Variants in L3MBTL4 observed in about 807,000 individuals in gnomAD.
L3MBTL4 encodes L3MBTL histone methyl-lysine binding protein 4, also known as lethal(3)malignant brain tumor-like protein 4.
A neutral mutation model predicts 84.5 loss-of-function variants in L3MBTL4; 70 were observed. That is an observed-to-expected ratio of 0.83 (90% confidence interval 0.68 to 1.01). The LOEUF is 1.01. Ranked by LOEUF, L3MBTL4 falls within the 50% of genes least tolerant of loss-of-function variation. The pLI is 0.00. For synonymous variants in L3MBTL4, 274 were observed against 259.8 expected (o/e 1.05, Z -0.52); for missense variants, 715 against 754.8 (o/e 0.95, Z 0.62).
intron 16 of L3MBTL4, among the ~76,000 whole-genome samples, chr18:6,026,213 G>A (rs544937287): frequency 6.6e-6 from 1 of 152,186 alleles, no homozygotes; most frequent in Non-Finnish European, 1.5e-5. Context: ...AAATTCTGGT[G>A]TCCTAGATTA....
chr18:6,311,162 C>T (rs997940307), intron 3 of L3MBTL4, among the ~76,000 whole-genome samples: 4 of 152,006 alleles, frequency 2.6e-5, no homozygotes, highest in Admixed American at 2.0e-4. Context: ...AGCTCTCTCT[C>T]GCTCTGTGTG....
intron 12 of L3MBTL4, among the ~76,000 whole-genome samples, chr18:6,191,292 G>C (rs1450387983): frequency 1.3e-5 from 2 of 152,194 alleles, no homozygotes; most frequent in African/African-American, 4.8e-5. Flanking sequence ...AGTATCAACA[G>C]AAGTGGGGAA....
rs146282403 is a variant in L3MBTL4 at position 6,165,074 on chromosome 18, G to A, written c.1096+6754C>T. Among the ~76,000 whole-genome samples the A allele has an allele frequency of 8.7e-4, 133 of 152,144 alleles. 1 individual carries two copies. The highest frequency in any genetic ancestry group is 3.0e-3 in the African/African-American group (124 of 41,508). ...GCTGATGCGATCAACTGGAAGAAAG[G>A]GTATCAGCAATGGAAGGCAAAATGA... On this transcript the variant is annotated intron_variant, in intron 13 of 18. Transcript: ENST00000317931.
intron 4 of L3MBTL4, among the ~76,000 whole-genome samples, chr18:6,270,627 G>A (rs1199637155): frequency 6.6e-6 from 1 of 152,166 alleles, no homozygotes; most frequent in African/African-American, 2.4e-5. Flanking sequence ...AGAGAAATTT[G>A]GCAAGCAATC....
At chr18:6,012,010 G>A (rs2054762156) in intron 16 of L3MBTL4, among the ~76,000 whole-genome samples, 1 of 152,172 alleles carries the variant, frequency 6.6e-6, no homozygotes, top group Non-Finnish European at 1.5e-5. Context: ...TTGGCTTGAA[G>A]CACATTAAAT....
At chr18:5,993,545 G>GT (rs1555625147) in intron 16 of L3MBTL4, among the ~76,000 whole-genome samples, 4 of 143,000 alleles carry the variant, frequency 2.8e-5, no homozygotes, top group East Asian at 2.3e-4. Context: ...TCTAGAGCAA[G>GT]TTTTTTTTCC....
At chr18:6,276,937 A>G (rs1045846922) in intron 4 of L3MBTL4, among the ~76,000 whole-genome samples, 4 of 152,134 alleles carry the variant, frequency 2.6e-5, no homozygotes, top group African/African-American at 9.7e-5. Context: ...TATACATCCA[A>G]TGAAAACATC....
chr18:6,249,979 C>A (rs2047852792), intron 5 of L3MBTL4, among the ~76,000 whole-genome samples: 2 of 152,272 alleles, frequency 1.3e-5, no homozygotes, highest in South Asian at 4.1e-4. Context: ...GCTGTGTGTT[C>A]CACATAAAGG....
At chr18:6,383,682 G>C (rs2054694397) in intron 1 of L3MBTL4, among the ~76,000 whole-genome samples, 1 of 152,214 alleles carries the variant, frequency 6.6e-6, no homozygotes, top group Non-Finnish European at 1.5e-5. Context: ...GGGTACCTCA[G>C]TTGGAAATGC....
chr18:6,146,335 T>C (rs545230917), intron 13 of L3MBTL4, among the ~76,000 whole-genome samples: 87 of 152,234 alleles, frequency 5.7e-4, no homozygotes, highest in African/African-American at 2.0e-3. Context: ...GGCGAGTTCG[T>C]GTCCATGAAG....
At chr18:6,136,094 T>A (rs1442491611) in intron 14 of L3MBTL4, among the ~76,000 whole-genome samples, 3 of 152,222 alleles carry the variant, frequency 2.0e-5, no homozygotes, top group Non-Finnish European at 4.4e-5. Flanking sequence ...CATCAGATCT[T>A]GTGAGACTTA....
At chr18:6,387,751 G>T (rs1210824848) in intron 1 of L3MBTL4, among the ~76,000 whole-genome samples, 1 of 152,198 alleles carries the variant, frequency 6.6e-6, no homozygotes, top group East Asian at 1.9e-4. Context: ...AGTGGGGAAG[G>T]TGCAAGACAA....
At chr18:6,079,891 T>A (rs71360014) in intron 16 of L3MBTL4, 38,618 of 152,172 alleles carry the variant, frequency 0.25, 5,257 homozygotes, top group Admixed American at 0.35. Flanking sequence ...GAGAAACATG[T>A]AGCTGCACAA....
In L3MBTL4 at chr18:6,257,771, G is replaced by A. The variant is rs190780622; in HGVS notation, c.219+6176C>T. Reference sequence around the variant, plus strand: ...AAGCGATTCTCCTGCCTCAGCCTCCGGAGCAGCTGGGATTACAGGCATGCA... The same window carrying A: ...AAGCGATTCTCCTGCCTCAGCCTCCAGAGCAGCTGGGATTACAGGCATGCA... On this transcript the variant is annotated intron_variant, in intron 5 of 18. Transcript: ENST00000317931. Among the ~76,000 whole-genome samples, 1,057 of 151,304 alleles carry A rather than the reference G, an allele frequency of 7.0e-3. 13 individuals are homozygous for A. The highest frequency in any genetic ancestry group is 0.025 in the African/African-American group (1,015 of 41,236).
At chr18:6,225,059 G>A (rs750754085) in intron 10 of L3MBTL4, among the ~76,000 whole-genome samples, 1 of 152,160 alleles carries the variant, frequency 6.6e-6, no homozygotes, top group African/African-American at 2.4e-5. Context: ...TGGAAAGTAG[G>A]GGGGAGCGTT....
intron 14 of L3MBTL4, among the ~76,000 whole-genome samples, chr18:6,106,511 T>C (rs1225908414): frequency 6.6e-6 from 1 of 152,194 alleles, no homozygotes; most frequent in Non-Finnish European, 1.5e-5. Context: ...AGGCACATTC[T>C]CTGCATGGGA....
intron 13 of L3MBTL4, among the ~76,000 whole-genome samples, chr18:6,169,002 T>A (rs1247615312): frequency 1.3e-5 from 2 of 151,868 alleles, no homozygotes; most frequent in South Asian, 2.1e-4. Context: ...AACAACCCCA[T>A]CAAAAAGTGG....
At chr18:5,969,300 T>C (rs1244582755) in intron 17 of L3MBTL4, 93 bp downstream of exon 17, 35 of 1,407,930 alleles carry the variant, frequency 2.5e-5, no homozygotes, top group Non-Finnish European at 3.3e-5. Context: ...AAGGGCGCTG[T>C]CCCAGACATC....
chr18:6,329,685 G>A (rs1371651897), intron 1 of L3MBTL4, among the ~76,000 whole-genome samples: 3 of 152,186 alleles, frequency 2.0e-5, no homozygotes, highest in Non-Finnish European at 4.4e-5. Context: ...ATGACATGGT[G>A]AGGGGGCTGA....
Sources: allele counts gnomAD v4.1 joint callset (sites outside exome capture counted in the v4.1 genomes callset), GRCh38; gene constraint gnomAD v4.1.1; transcripts MANE v1.5; gene names NCBI Gene and HGNC (gene_info 2026-07-23, HGNC 2026-07-21).